The following TUSC3 variants were observed in gnomAD, a reference collection of about 807,000 sequenced individuals.
The protein encoded by TUSC3 is dolichyl-diphosphooligosaccharide--protein glycosyltransferase subunit TUSC3.
Under a neutral mutation model 44.8 loss-of-function variants are expected in TUSC3, and 45 were observed. The ratio of observed to expected loss-of-function variants is 1.00; its 90% CI spans 0.79 to 1.29. The LOEUF (loss-of-function observed/expected upper bound fraction) is 1.29, where lower values mean the gene tolerates loss of function less well. Among genes scored for constraint, TUSC3 ranks in the 50% most tolerant of loss-of-function variants. TUSC3 has a pLI of 0.00. For synonymous variants in TUSC3, 212 were observed against 152.9 expected (o/e 1.39, Z -2.85); for missense variants, 519 against 437.9 (o/e 1.19, Z -1.65).
At chr8:15,457,289 A>G (rs948751914) in intron 1 of TUSC3, among the ~76,000 whole-genome samples, 11 of 152,072 alleles carry the variant, frequency 7.2e-5, no homozygotes, top group African/African-American at 2.7e-4. Flanking sequence ...AACGTTGTGC[A>G]CAAGTACCCT....
In TUSC3 at chr8:15,504,784, C is replaced by T. The variant is rs541450994; in HGVS notation, n.189+21301C>T. Among the ~76,000 whole-genome samples, 19 of 150,110 alleles carry T rather than the reference C, an allele frequency of 1.3e-4. No homozygotes were observed. The South Asian group carries it at 3.8e-3, about 30-fold the overall frequency. On this transcript the variant is annotated intron_variant and non_coding_transcript_variant, in intron 2 of 5. Coordinates refer to the TUSC3 transcript ENST00000503191. The stretch of plus-strand genomic sequence containing the variant: ...TCTCCTGCCTCAGCCTCCCTAGTAG[C>T]CGGAACTACAGGTGCCTGCCACCAT...
Position 15,760,693 on chromosome 8 carries a change from G to C in TUSC3, c.*46+2838G>C, listed in dbSNP as rs171304. Among the ~76,000 whole-genome samples, 588 of 152,288 alleles carry C rather than the reference G, an allele frequency of 3.9e-3. 6 individuals are homozygous for C. The highest frequency in any genetic ancestry group is 0.013 in the African/African-American group (551 of 41,566). Reference sequence around the variant, plus strand: ...GCCAGGTTTGTTTTATGTGTTGGCTGCTTTTGCACTACGACAGTTCAGCTG... The same window carrying C: ...GCCAGGTTTGTTTTATGTGTTGGCTCCTTTTGCACTACGACAGTTCAGCTG... On this transcript the variant is annotated intron_variant, in intron 10 of 10. Transcript: ENST00000503731.
At chr8:15,594,200 C>A (rs1018212457) in intron 1 of TUSC3, among the ~76,000 whole-genome samples, 1 of 152,072 alleles carries the variant, frequency 6.6e-6, no homozygotes, top group Admixed American at 6.6e-5. Flanking sequence ...TCAGTTTAAT[C>A]TTTTCATCTG....
intron 10 of TUSC3, among the ~76,000 whole-genome samples, chr8:15,762,309 G>C (rs1482041041): frequency 1.3e-5 from 2 of 151,708 alleles, no homozygotes; most frequent in East Asian, 1.9e-4. Flanking sequence ...TAACTAACAA[G>C]TAATCAGTTT....
intron 1 of TUSC3, among the ~76,000 whole-genome samples, chr8:15,446,404 C>G (rs527785891): frequency 7.9e-5 from 12 of 152,062 alleles, no homozygotes; most frequent in South Asian, 4.2e-4. Context: ...TGTAGCGAGT[C>G]GAGATCACGC....
At chr8:15,439,746 TTAA>T (rs899446904) in intron 1 of TUSC3, among the ~76,000 whole-genome samples, 17 of 152,206 alleles carry the variant, frequency 1.1e-4, no homozygotes, top group Admixed American at 6.5e-5. Flanking sequence ...CTCTTTTATC[TTAA>T]TAAGTATTTC....
At chr8:15,554,436 G>GGGTC (rs1802166461) in intron 1 of TUSC3, among the ~76,000 whole-genome samples, 2 of 151,400 alleles carry the variant, frequency 1.3e-5, no homozygotes, top group African/African-American at 4.8e-5. Context: ...TTATCAGCCA[G>GGGTC]GGTCTCTGAA....
intron 1 of TUSC3, among the ~76,000 whole-genome samples, chr8:15,482,358 G>A (rs539145517): frequency 1.7e-4 from 26 of 152,196 alleles, no homozygotes; most frequent in South Asian, 1.0e-3. Flanking sequence ...CAAAGTTCTC[G>A]TGGCAGAGAA....
intron 2 of TUSC3, among the ~76,000 whole-genome samples, chr8:15,629,641 A>G (rs960779703): frequency 2.7e-5 from 4 of 149,182 alleles, no homozygotes; most frequent in Non-Finnish European, 5.9e-5. Flanking sequence ...CACTGCCGTA[A>G]TCTTTATAAT....
At chr8:15,569,781 TCTTC>T (rs1196088773) in intron 1 of TUSC3, among the ~76,000 whole-genome samples, 1 of 152,122 alleles carries the variant, frequency 6.6e-6, no homozygotes, top group African/African-American at 2.4e-5. Flanking sequence ...TGAAAATTTT[TCTTC>T]CTTGTCTGTT....
chr8:15,571,233 C>T (rs551723179), intron 1 of TUSC3, among the ~76,000 whole-genome samples: 3 of 151,880 alleles, frequency 2.0e-5, no homozygotes, highest in South Asian at 4.2e-4. Flanking sequence ...GGATTACAGG[C>T]GTGAGCCGCT....
intron 1 of TUSC3, among the ~76,000 whole-genome samples, chr8:15,546,096 G>A (rs979193321): frequency 6.6e-6 from 1 of 151,812 alleles, no homozygotes; most frequent in African/African-American, 2.4e-5. Flanking sequence ...ATATAACAGT[G>A]TGTGTATGCA....
chr8:15,656,980 A>G (rs1397629956), intron 3 of TUSC3, among the ~76,000 whole-genome samples: 1 of 152,128 alleles, frequency 6.6e-6, no homozygotes, highest in Non-Finnish European at 1.5e-5. Context: ...GCTGAGGAGC[A>G]CTACAGCAGT....
At chr8:15,497,660 G>A (rs1044883808) in intron 2 of TUSC3, among the ~76,000 whole-genome samples, 1 of 152,138 alleles carries the variant, frequency 6.6e-6, no homozygotes, top group African/African-American at 2.4e-5. Flanking sequence ...AGGAGGACAG[G>A]TAGATTGTGT....
At chr8:15,829,739 T>C in the TUSC3 span, among the ~76,000 whole-genome samples, 1 of 152,144 alleles carries the variant, frequency 6.6e-6, no homozygotes, top group Admixed American at 6.5e-5. Context: ...TTCTGTTTTC[T>C]TAAAACTATT....
intron 9 of TUSC3, chr8:15,748,834 G>T: frequency 2.3e-6 from 1 of 442,524 alleles, no homozygotes; most frequent in Admixed American, 2.8e-5. Flanking sequence ...AATAAACTTT[G>T]TATTATCTTT....
chr8:15,447,693 CTT>C (rs533587631), intron 1 of TUSC3, among the ~76,000 whole-genome samples: 8 of 140,794 alleles, frequency 5.7e-5, no homozygotes, highest in Admixed American at 1.4e-4. Context: ...ATAATTATGT[CTT>C]TTTTTTTTTT....
At chr8:15,591,251 T>C (rs1422930234) in intron 1 of TUSC3, among the ~76,000 whole-genome samples, 1 of 152,140 alleles carries the variant, frequency 6.6e-6, no homozygotes, top group Non-Finnish European at 1.5e-5. Flanking sequence ...TTAAATAACT[T>C]TTTATTAAAA....
At chr8:15,464,312 A>G (rs1006209433) in intron 1 of TUSC3, among the ~76,000 whole-genome samples, 9 of 152,218 alleles carry the variant, frequency 5.9e-5, no homozygotes, top group Admixed American at 5.2e-4. Context: ...AGCCCTGAGC[A>G]CTTGATAATT....
Sources: gnomAD v4.1 joint callset for allele counts (sites outside exome capture counted in the v4.1 genomes callset) on GRCh38, gnomAD v4.1.1 for gene constraint, MANE v1.5 for transcripts, NCBI Gene and HGNC (gene_info 2026-07-23, HGNC 2026-07-21) for gene names.